The following TPI1 variants were observed in gnomAD, a reference collection of about 807,000 sequenced individuals.
TPI1 encodes the protein triosephosphate isomerase 1.
A neutral mutation model predicts 31.0 loss-of-function variants in TPI1; 11 were observed. The ratio of observed to expected loss-of-function variants is 0.36; its 90% confidence interval spans 0.22 to 0.59. The LOEUF (loss-of-function observed/expected upper bound fraction) is 0.59, where lower values mean the gene tolerates loss of function less well. Ranked by LOEUF, TPI1 falls within the 20% of genes least tolerant of loss-of-function variation. The probability of loss-of-function intolerance (pLI) is 0.79; values close to 1 mark genes in which losing one functional copy is unlikely to be tolerated. For missense variants in TPI1, 245 were observed against 319.7 expected, an observed-to-expected ratio of 0.77 and a Z score of 1.78; for synonymous variants, 121 against 122.8, an observed-to-expected ratio of 0.99 and a Z score of 0.10.
At position 6,870,814 on chromosome 12, in the gene TPI1, A is replaced by G; in HGVS notation, c.*431A>G. 1.9e-6 allele frequency: 1 copy of G among 523,754 alleles called. No individual in the cohort carries two copies. Among genetic ancestry groups the G allele is most frequent in the Non-Finnish European group, 3.7e-6 (1 of 272,836 alleles). The allele number at this position is 523,754 out of a possible 1,614,324, so 32.4% of individuals were successfully genotyped here. ...ATGTGAACCACCCATGTGAGGGAAT[A>G]AACCTGGCACTAGGTCTTGTGGTTT... On this transcript the variant is annotated 3_prime_UTR_variant, in exon 7 of 7. Coordinates refer to ENST00000396705, the MANE Select transcript of TPI1 (RefSeq NM_000365.6).
At chr12:6,868,000 G>A in intron 1 of TPI1, 1 of 1,132,424 alleles carries the variant, frequency 8.8e-7, no homozygotes, top group South Asian at 1.7e-5. Flanking sequence ...TAGGAGCGGA[G>A]CCCGAGGCTC....
Position 6,870,049 on chromosome 12 carries a change from G to C in TPI1, c.544G>C (p.Ala182Pro). 6.2e-7 allele frequency: 1 copy of C among 1,614,190 alleles called. No individual in the cohort carries two copies. Among genetic ancestry groups the C allele is most frequent in the Non-Finnish European group, 8.5e-7 (1 of 1,180,030 alleles). ...TACTTAGGCCAGCTTCTTGTTCTAG[G>C]CCCAGGAAGTACACGAGAAGCTCCG... ...GTGKTATPQQAQEVHEKLRGW... is the reference protein window; with the variant it reads ...GTGKTATPQQPQEVHEKLRGW... The change falls in exon 6 of 7, where the codon GCC (alanine) becomes CCC (proline). Residue 182 changes from alanine (A) to proline (P), a missense_variant and splice_region_variant. Ala to Pro is a conservative substitution (Grantham distance 27, BLOSUM62 -1). Around this residue, in one of 3 missense-constraint regions of TPI1, gnomAD observed 127 missense variants for 163.7 expected, o/e 0.78. Coordinates refer to ENST00000396705, the MANE Select transcript of TPI1 (RefSeq NM_000365.6).
chr12:6,870,383 A>T lies in TPI1; in HGVS notation c.750A>T (p.Ter250CysextTer55). 6.2e-7 allele frequency: 1 copy of T among 1,607,474 alleles called. No individual in the cohort carries two copies. The highest frequency in any genetic ancestry group is 8.5e-7 in the Non-Finnish European group (1 of 1,174,626). Residue 250 changes from the stop codon to cysteine, a stop_lost, in exon 7 of 7, where the codon TGA (stop) becomes TGT (cysteine). Coordinates refer to ENST00000396705, the MANE Select transcript of TPI1 (RefSeq NM_000365.6). ...TGGACATCATCAATGCCAAACAATG[A>T]GCCCCATCCATCTTCCCTACCCTTC... is the stretch of plus-strand genomic sequence containing the variant. ...EFVDIINAKQ* is the reference protein window; with the variant it reads ...EFVDIINAKQC
upstream of TPI1, chr12:6,867,519 C>T (rs1170695861): frequency 4.4e-6 from 7 of 1,593,658 alleles, no homozygotes; most frequent in Middle Eastern, 6.7e-4. Flanking sequence ...TGGGCAGTGG[C>T]CGCGACTGCG....
In TPI1 at chr12:6,867,540, G is replaced by A. The variant is rs1555131415; in HGVS notation, c.-27G>A. Reference sequence around the variant, plus strand: ...GTGGCCGCGACTGCGCGCAGACACTGACCTTCAGCGCCTCGGCTCCAGCGC... The same window carrying A: ...GTGGCCGCGACTGCGCGCAGACACTAACCTTCAGCGCCTCGGCTCCAGCGC... On this transcript the variant is annotated 5_prime_UTR_variant, in exon 1 of 7. Coordinates refer to ENST00000396705, the MANE Select transcript of TPI1 (RefSeq NM_000365.6). 2 of 1,608,960 alleles carry A rather than the reference G, an allele frequency of 1.2e-6. No individual in the cohort carries two copies. Among genetic ancestry groups the A allele is most frequent in the Admixed American group, 1.7e-5 (1 of 59,234 alleles).
rs1397086451 is a variant in TPI1 at position 6,870,147 on chromosome 12, T to C, written c.631+11T>C. ...GTATCATTTATGGAGGTGAGTGGCT[T>C]TGGTTCCCGGCTGAGGTGGAGTGGG... On this transcript the variant is annotated intron_variant, in intron 6 of 6. Transcript: ENST00000396705. The C allele has an allele frequency of 1.2e-6, 2 of 1,613,454 alleles. No homozygotes were observed. Among genetic ancestry groups the C allele is most frequent in the African/African-American group, 2.7e-5 (2 of 74,892 alleles).
Position 6,870,533 on chromosome 12 carries a change from T to C in TPI1, c.*150T>C. ...AAACTGTATCTTCCTTTACTGTTTA[T>C]ATCTTCACCCTGTAATGGTTGGGAC... On this transcript the variant is annotated 3_prime_UTR_variant, in exon 7 of 7. Transcript: ENST00000396705. 1 of 784,748 alleles carries C rather than the reference T, an allele frequency of 1.3e-6. No homozygotes were observed. 48.6% of individuals were successfully genotyped at this position (784,748 alleles called of 1,614,324 possible).
chr12:6,868,427 G>T (rs1944507899), intron 1 of TPI1: 2 of 1,289,210 alleles, frequency 1.6e-6, no homozygotes, highest in Admixed American at 2.3e-5. Context: ...TCCCCTTCTC[G>T]TTCATTCCCC....
chr12:6,869,971 T>TA, intron 5 of TPI1, 78 bp from the exon 6 acceptor site: 1 of 1,527,704 alleles, frequency 6.5e-7, no homozygotes, highest in Non-Finnish European at 9.1e-7. Context: ...GAAACCACAC[T>TA]AAGTGTCCAC....
intron 1 of TPI1, 154 bp from the exon 2 acceptor site, chr12:6,868,710 A>G (rs1231856511): frequency 1.4e-6 from 2 of 1,417,008 alleles, no homozygotes; most frequent in Admixed American, 2.0e-5. Context: ...GGGCTGGAAA[A>G]TGGACAAAGG....
Position 6,869,608 on chromosome 12 carries a change from C to T in TPI1, c.458-80C>T, listed in dbSNP as rs896887070. On this transcript the variant is annotated intron_variant, in intron 4 of 6. Transcript: ENST00000396705. The stretch of plus-strand genomic sequence containing the variant: ...TGTCCACTAGGGGGCAGTAGGCCAC[C>T]GTTCTTCGTACTCCGGAGAACCTGG... The T allele has an allele frequency of 9.7e-6, 15 of 1,543,850 alleles. No homozygotes were observed. In the Admixed American group the frequency reaches 1.7e-4, roughly 17 times the overall value.
At chr12:6,867,791 C>A in intron 1 of TPI1, 110 bp downstream of exon 1, 1 of 1,209,656 alleles carries the variant, frequency 8.3e-7, no homozygotes, top group Non-Finnish European at 1.1e-6. Context: ...TCCGCGCGGA[C>A]CTGATGCAGG....
intron 5 of TPI1, 135 bp downstream of exon 5, chr12:6,869,908 C>T: frequency 7.3e-7 from 1 of 1,375,256 alleles, no homozygotes; most frequent in Non-Finnish European, 1.0e-6. Context: ...TGTCCAAGGG[C>T]ATCCAGTCCA....
At chr12:6,869,556 G>T in intron 4 of TPI1, 132 bp from the exon 5 acceptor site, 2 of 1,463,586 alleles carry the variant, frequency 1.4e-6, no homozygotes, top group South Asian at 2.3e-5. Context: ...CCAGCCCCAA[G>T]GTAGATGCCA....
chr12:6,868,741 G>C lies in TPI1; in HGVS notation c.116-123G>C. On this transcript the variant is annotated intron_variant, in intron 1 of 6. Transcript: ENST00000396705. ...AAAGGTCATCTTGCTGGGGTGAAAA[G>C]GGGGAGAGCAGAACCAAGAAGAAGA... 8.8e-6 allele frequency: 13 copies of C among 1,472,040 alleles called. 1 individual carries two copies. In the South Asian group the frequency reaches 1.2e-4, roughly 14 times the overall value. The allele number at this position is 1,472,040 out of a possible 1,614,324, so 91.2% of individuals were successfully genotyped here.
intron 1 of TPI1, chr12:6,868,364 T>G (rs1555131892): frequency 7.8e-7 from 1 of 1,287,900 alleles, no homozygotes; most frequent in South Asian, 1.2e-5. Context: ...TCCTCCATCC[T>G]CCTTCCTCCC....
chr12:6,868,572 G>C, intron 1 of TPI1: 1 of 1,320,606 alleles, frequency 7.6e-7, no homozygotes, highest in Non-Finnish European at 9.8e-7. Flanking sequence ...GAGTCTGTGA[G>C]GTGCCTATGC....
Position 6,869,769 on chromosome 12 carries a change from A to G in TPI1, c.539A>G (p.Gln180Arg). ...GGTACTGGCAAGACTGCAACACCCC[A>G]ACAGGTAACCGGGCCCAGGAGCCCT... ...AIGTGKTATP[Q>R]QAQEVHEKLR... The change falls in exon 5 of 7, where the codon CAA becomes CGA. Residue 180 changes from glutamine (Q) to arginine (R), a missense_variant. This residue lies in a region of TPI1 where 127 missense variants were observed against 163.7 expected (regional missense o/e 0.78). Coordinates refer to ENST00000396705, the MANE Select transcript of TPI1 (RefSeq NM_000365.6). 6.2e-7 allele frequency: 1 copy of G among 1,614,190 alleles called. No homozygotes were observed.
At chr12:6,868,337 A>C (rs1555131882) in intron 1 of TPI1, 11 of 1,287,560 alleles carry the variant, frequency 8.5e-6, no homozygotes, top group Non-Finnish European at 1.0e-5. Context: ...TCTGCCACCC[A>C]CGGGCAAAGG....
Sources: allele counts gnomAD v4.1 joint callset, GRCh38; gene constraint gnomAD v4.1.1; regional missense constraint gnomAD v4.1.1; transcripts MANE v1.5; gene names NCBI Gene and HGNC (gene_info 2026-07-23, HGNC 2026-07-21).